POT1: variants seen among roughly 807,000 people sequenced by gnomAD.
POT1 encodes the protein protection of telomeres protein 1.
POT1 carries 47 observed loss-of-function variants against 78.5 expected under a neutral mutation model. The observed-to-expected ratio is 0.60, with a 90% CI of 0.47 to 0.76. The LOEUF (loss-of-function observed/expected upper bound fraction) is 0.76. Ranked by LOEUF, POT1 falls within the 30% of genes least tolerant of loss-of-function variation. The pLI, the probability that POT1 is intolerant of heterozygous loss-of-function variation, is 0.00. For missense variants in POT1, 646 were observed against 749.9 expected, an observed-to-expected ratio of 0.86 and a Z score of 1.62; for synonymous variants, 259 against 260.7, an observed-to-expected ratio of 0.99 and a Z score of 0.06.
intron 7 of POT1, among the ~76,000 whole-genome samples, chr7:124,867,634 T>TTTTATTTA (rs34457483): frequency 3.3e-5 from 5 of 151,936 alleles, no homozygotes; most frequent in African/African-American, 1.2e-4. Flanking sequence ...GCTTTATTAT[T>TTTTATTTA]TTTATTTATT....
chr7:124,891,007 T>C (rs1246173189), intron 6 of POT1, among the ~76,000 whole-genome samples: 1 of 151,832 alleles, frequency 6.6e-6, no homozygotes, highest in African/African-American at 2.4e-5. Flanking sequence ...ATATTCTGCA[T>C]ATGTCTGATA....
chr7:124,831,153 G>A (rs1293097691), intron 15 of POT1, among the ~76,000 whole-genome samples: 2 of 152,134 alleles, frequency 1.3e-5, no homozygotes. Flanking sequence ...TTAATGCCAA[G>A]TATCAGACAG....
chr7:124,888,851 A>C (rs2116620547), intron 6 of POT1, among the ~76,000 whole-genome samples: 1 of 151,488 alleles, frequency 6.6e-6, no homozygotes, highest in Non-Finnish European at 1.5e-5. Flanking sequence ...GTACTTAACC[A>C]ATAAATATGT....
intron 3 of POT1, among the ~76,000 whole-genome samples, chr7:124,902,549 T>C (rs1796647788): frequency 1.3e-5 from 2 of 152,172 alleles, no homozygotes; most frequent in African/African-American, 4.8e-5. Flanking sequence ...AAGGAACAAT[T>C]GGTACCAGCC....
chr7:124,894,586 A>T (rs1426143969), intron 5 of POT1, among the ~76,000 whole-genome samples: 4 of 151,644 alleles, frequency 2.6e-5, no homozygotes, highest in Non-Finnish European at 1.5e-5. Context: ...CTTCTTAATC[A>T]TTCTCTAATG....
At chr7:124,884,434 A>T (rs1191507833) in intron 6 of POT1, among the ~76,000 whole-genome samples, 1 of 152,148 alleles carries the variant, frequency 6.6e-6, no homozygotes, top group African/African-American at 2.4e-5. Context: ...CTGCTTCTAG[A>T]AACACTGTAA....
intron 3 of POT1, among the ~76,000 whole-genome samples, chr7:124,910,335 G>A (rs1181372096): frequency 6.6e-6 from 1 of 151,958 alleles, no homozygotes; most frequent in Non-Finnish European, 1.5e-5. Context: ...AAAAAAAGGT[G>A]TGGAGATAGA....
At chr7:124,904,220 G>C (rs1170804140) in intron 3 of POT1, among the ~76,000 whole-genome samples, 5 of 152,124 alleles carry the variant, frequency 3.3e-5, no homozygotes, top group African/African-American at 1.2e-4. Flanking sequence ...CAAAAAAAGA[G>C]AATTTTAGAC....
At chr7:124,901,038 GCC>G (rs1374178569) in intron 3 of POT1, among the ~76,000 whole-genome samples, 1 of 152,176 alleles carries the variant, frequency 6.6e-6, no homozygotes, top group Non-Finnish European at 1.5e-5. Context: ...GCTCAAGGAG[GCC>G]TGCCTGCCTC....
At chr7:124,871,510 C>A (rs940156489) in intron 6 of POT1, among the ~76,000 whole-genome samples, 1 of 151,838 alleles carries the variant, frequency 6.6e-6, no homozygotes, top group Non-Finnish European at 1.5e-5. Context: ...GTAAATATGT[C>A]GTACAAATGA....
At position 124,859,414 on chromosome 7, in the gene POT1, A is replaced by G. The variant is rs1001737638; in HGVS notation, c.547-302T>C. 2.6e-5 allele frequency among the ~76,000 whole-genome samples: 4 copies of G among 152,140 alleles called. No homozygotes were observed. In the East Asian group the frequency reaches 5.8e-4, roughly 22 times the overall value. On this transcript the variant is annotated intron_variant, in intron 8 of 18. Coordinates refer to ENST00000357628, the MANE Select transcript of POT1 (RefSeq NM_015450.3). ...ACCAAAATGATCTTGAAAAACACTC[A>G]TATGTATTAAAATATTTTTGCACAT...
At chr7:124,905,989 C>G (rs1047099840) in intron 3 of POT1, among the ~76,000 whole-genome samples, 7 of 152,136 alleles carry the variant, frequency 4.6e-5, no homozygotes, top group Admixed American at 6.5e-5. Context: ...CAGGAAACAA[C>G]AGGTGCTGGA....
intron 11 of POT1, among the ~76,000 whole-genome samples, chr7:124,847,400 A>G (rs768698610): frequency 3.9e-5 from 6 of 152,198 alleles, no homozygotes; most frequent in Non-Finnish European, 7.3e-5. Context: ...AGGCTGAGGC[A>G]TGAGAATCAC....
In POT1 at chr7:124,841,941, T is replaced by A. The variant is rs1176223860; in HGVS notation, c.1164-763A>T. Among the ~76,000 whole-genome samples, 15 of 152,056 alleles carry A rather than the reference T, an allele frequency of 9.9e-5. No homozygotes were observed. The East Asian group carries it at 2.9e-3, about 29-fold the overall frequency. On this transcript the variant is annotated intron_variant, in intron 13 of 18. Transcript: ENST00000357628. ...TTCAAGCTCAAATGGGTAAAAACAG[T>A]TCCCTCACATTTTATTTAAAGAGAT...
At chr7:124,921,992 C>A (rs1365734664) in intron 2 of POT1, among the ~76,000 whole-genome samples, 1 of 151,898 alleles carries the variant, frequency 6.6e-6, no homozygotes, top group Non-Finnish European at 1.5e-5. Context: ...TACTTAAGCA[C>A]ATGCCAGTCC....
At chr7:124,897,889 G>A (rs147038143) in intron 4 of POT1, among the ~76,000 whole-genome samples, 1 of 151,968 alleles carries the variant, frequency 6.6e-6, no homozygotes, top group Non-Finnish European at 1.5e-5. Flanking sequence ...TCTTCACAAC[G>A]AATAAAGTAG....
chr7:124,838,217 G>A (rs1351711837), intron 14 of POT1, among the ~76,000 whole-genome samples: 1 of 151,750 alleles, frequency 6.6e-6, no homozygotes, highest in Non-Finnish European at 1.5e-5. Context: ...GGAAACAAAA[G>A]GTATACATAT....
chr7:124,891,102 T>C (rs1020987858), intron 6 of POT1, among the ~76,000 whole-genome samples: 2 of 151,908 alleles, frequency 1.3e-5, no homozygotes, highest in African/African-American at 2.4e-5. Context: ...TCCCCCATTA[T>C]TGGAAGTGGT....
At chr7:124,909,588 G>T (rs1796841818) in intron 3 of POT1, among the ~76,000 whole-genome samples, 1 of 151,698 alleles carries the variant, frequency 6.6e-6, no homozygotes, top group Admixed American at 6.6e-5. Flanking sequence ...TGTGACCTCA[G>T]TCTTCACATC....
Sources: allele counts gnomAD v4.1 joint callset (sites outside exome capture counted in the v4.1 genomes callset), GRCh38; gene constraint gnomAD v4.1.1; transcripts MANE v1.5; gene names NCBI Gene and HGNC (gene_info 2026-07-23, HGNC 2026-07-21).